TBC1D12: variants seen among roughly 807,000 people sequenced by gnomAD.
The protein encoded by TBC1D12 is TBC1 domain family, member 12.
Under a neutral mutation model 86.7 loss-of-function variants are expected in TBC1D12, and 56 were observed. That is an observed-to-expected ratio of 0.65 (90% confidence interval 0.52 to 0.81). TBC1D12 has a LOEUF of 0.81. Ranked by LOEUF, TBC1D12 falls within the 30% of genes least tolerant of loss-of-function variation. The pLI is 0.00. For missense variants in TBC1D12, 1,023 were observed against 1,038.8 expected, an observed-to-expected ratio of 0.98 and a Z score of 0.21; for synonymous variants, 421 against 411.7, an observed-to-expected ratio of 1.02 and a Z score of -0.27.
intron 1 of TBC1D12, among the ~76,000 whole-genome samples, chr10:94,425,428 T>C (rs923306061): frequency 1.3e-5 from 2 of 152,206 alleles, no homozygotes; most frequent in Non-Finnish European, 2.9e-5. Flanking sequence ...AAGAAAATAT[T>C]CAGTGAGTGC....
At position 94,533,106 on chromosome 10, in the gene TBC1D12, T is replaced by C. The variant is rs1240560866; in HGVS notation, c.*10T>C. 2.6e-6 allele frequency: 4 copies of C among 1,562,630 alleles called. No individual in the cohort carries two copies. The highest frequency in any genetic ancestry group is 3.5e-6 in the Non-Finnish European group (4 of 1,149,252). On this transcript the variant is annotated 3_prime_UTR_variant, in exon 13 of 13. Coordinates refer to ENST00000225235, the MANE Select transcript of TBC1D12 (RefSeq NM_015188.2). ...TGCTTTGAAAAGCTAGTCTTCAAAA[T>C]TGACAGACTAACTGACATAGAAAAA...
intron 9 of TBC1D12, among the ~76,000 whole-genome samples, chr10:94,519,037 T>C (rs1266264516): frequency 6.6e-6 from 1 of 152,214 alleles, no homozygotes; most frequent in Non-Finnish European, 1.5e-5. Context: ...ATCGTGCCAC[T>C]GCACTCCAGC....
intron 1 of TBC1D12, among the ~76,000 whole-genome samples, chr10:94,440,040 T>C (rs1422561641): frequency 6.6e-6 from 1 of 152,242 alleles, no homozygotes; most frequent in Non-Finnish European, 1.5e-5. Flanking sequence ...TCTTATGAAG[T>C]AGAGAATTAA....
At chr10:94,405,618 G>A (rs1390899263) in intron 1 of TBC1D12, among the ~76,000 whole-genome samples, 1 of 152,112 alleles carries the variant, frequency 6.6e-6, no homozygotes, top group Admixed American at 6.5e-5. Context: ...GAGGTCAGAT[G>A]TCAGGCAATT....
At chr10:94,432,660 T>G (rs1461354415) in intron 1 of TBC1D12, among the ~76,000 whole-genome samples, 4 of 152,196 alleles carry the variant, frequency 2.6e-5, no homozygotes, top group African/African-American at 9.7e-5. Context: ...ATGCATAAAT[T>G]TAAGTTATTT....
chr10:94,497,097 G>A lies in TBC1D12; in HGVS notation c.1337G>A (p.Arg446Gln), dbSNP rs374358210. 2.4e-5 allele frequency: 37 copies of A among 1,565,644 alleles called. No homozygotes were observed. Among genetic ancestry groups the A allele is most frequent in the African/African-American group, 5.6e-5 (4 of 70,880 alleles). ...AAAAGAAAAAGAATCATGAAAGAAC[G>A]ATTTAAGCAGGAAGAAAATATTGCA... ...AHKRKRIMKE[R>Q]FKQEENIASA... Residue 446 changes from arginine to glutamine, a missense_variant, in exon 5 of 13, where the codon CGA (arginine) becomes CAA (glutamine). Transcript: ENST00000225235.
chr10:94,417,956 G>A (rs974909971), intron 1 of TBC1D12, among the ~76,000 whole-genome samples: 2 of 151,712 alleles, frequency 1.3e-5, no homozygotes, highest in African/African-American at 2.4e-5. Context: ...GGGTTTCACC[G>A]TGTTAGCCAG....
At chr10:94,461,808 T>C (rs1324836880) in intron 2 of TBC1D12, among the ~76,000 whole-genome samples, 1 of 152,196 alleles carries the variant, frequency 6.6e-6, no homozygotes, top group African/African-American at 2.4e-5. Context: ...TTTGGGGCAG[T>C]GGTTTGCTCT....
At chr10:94,466,185 C>A (rs1037853066) in intron 2 of TBC1D12, among the ~76,000 whole-genome samples, 7 of 151,938 alleles carry the variant, frequency 4.6e-5, no homozygotes, top group Non-Finnish European at 5.9e-5. Context: ...CTGCTGTTTA[C>A]CTCCTTTCTA....
chr10:94,495,418 C>T (rs1033990480), intron 4 of TBC1D12, among the ~76,000 whole-genome samples: 1 of 152,200 alleles, frequency 6.6e-6, no homozygotes, highest in African/African-American at 2.4e-5. Flanking sequence ...ATTCTCCCAC[C>T]TGGGCCTCCC....
chr10:94,480,688 C>CA (rs1015597657), intron 3 of TBC1D12, among the ~76,000 whole-genome samples: 2 of 148,996 alleles, frequency 1.3e-5, no homozygotes, highest in Admixed American at 6.7e-5. Context: ...CTTGTCTCTA[C>CA]AAAAAAAATA....
intron 3 of TBC1D12, among the ~76,000 whole-genome samples, chr10:94,477,612 G>A (rs1334061060): frequency 2.0e-5 from 3 of 152,192 alleles, no homozygotes; most frequent in African/African-American, 7.2e-5. Flanking sequence ...AGCCCAAGAA[G>A]CTAGAACAGA....
At chr10:94,523,043 CAAAAA>C (rs35912130) in intron 11 of TBC1D12, among the ~76,000 whole-genome samples, 3 of 64,630 alleles carry the variant, frequency 4.6e-5, no homozygotes, top group Non-Finnish European at 5.8e-5. Flanking sequence ...GACTCCAGCT[CAAAAA>C]AAAAAAAAAA....
At chr10:94,465,666 A>ATG (rs1306137338) in intron 2 of TBC1D12, among the ~76,000 whole-genome samples, 10 of 88,664 alleles carry the variant, frequency 1.1e-4, no homozygotes, top group African/African-American at 3.2e-4. Flanking sequence ...ATATATATAT[A>ATG]TATATGTGTG....
At chr10:94,459,012 G>C (rs1260530233) in intron 2 of TBC1D12, among the ~76,000 whole-genome samples, 1 of 152,144 alleles carries the variant, frequency 6.6e-6, no homozygotes, top group East Asian at 1.9e-4. Flanking sequence ...GGCTCAGGTG[G>C]CCTGCTTTTA....
chr10:94,450,731 A>G (rs1280907281), intron 2 of TBC1D12, among the ~76,000 whole-genome samples: 1 of 152,134 alleles, frequency 6.6e-6, no homozygotes, highest in Non-Finnish European at 1.5e-5. Flanking sequence ...TTGCAGAACT[A>G]TTCACAATAG....
At chr10:94,479,999 C>T (rs944535643) in intron 3 of TBC1D12, among the ~76,000 whole-genome samples, 2 of 152,156 alleles carry the variant, frequency 1.3e-5, no homozygotes, top group Non-Finnish European at 2.9e-5. Flanking sequence ...CTTGGGGACC[C>T]ACTGGGCCCA....
At chr10:94,523,007 T>A (rs1842192731) in intron 11 of TBC1D12, among the ~76,000 whole-genome samples, 1 of 139,070 alleles carries the variant, frequency 7.2e-6, no homozygotes, top group African/African-American at 2.7e-5. Context: ...ATTGCGATAC[T>A]GCACTCCAGC....
intron 2 of TBC1D12, among the ~76,000 whole-genome samples, chr10:94,474,380 G>A (rs2055955312): frequency 6.6e-6 from 1 of 151,640 alleles, no homozygotes; most frequent in Non-Finnish European, 1.5e-5. Flanking sequence ...TTTTAGTAGA[G>A]GTGAGGTGTT....
Sources: gnomAD v4.1 joint callset for allele counts (sites outside exome capture counted in the v4.1 genomes callset) on GRCh38, gnomAD v4.1.1 for gene constraint, MANE v1.5 for transcripts, NCBI Gene and HGNC (gene_info 2026-07-23, HGNC 2026-07-21) for gene names.